Variants in INTS4 observed in about 807,000 individuals in gnomAD.
The protein encoded by INTS4 is MSTP093.
In INTS4, 70 loss-of-function variants were observed where a neutral mutation model predicts 119.5. The ratio of observed to expected loss-of-function variants is 0.59; its 90% CI spans 0.48 to 0.71. INTS4 has a LOEUF of 0.71. Among genes scored for constraint, INTS4 ranks in the 30% least tolerant of loss-of-function variants. The pLI, the probability that INTS4 is intolerant of heterozygous loss-of-function variation, is 0.00. For synonymous variants in INTS4, 316 were observed against 419.6 expected (o/e 0.75, Z 3.02); for missense variants, 867 against 1,173.2 (o/e 0.74, Z 3.81).
chr11:77,876,040 C>A (rs1951584801), downstream of INTS4, among the ~76,000 whole-genome samples: 1 of 152,048 alleles, frequency 6.6e-6, no homozygotes, highest in South Asian at 2.1e-4. Context: ...GTGGTCAGAT[C>A]AGCTCATCAC....
intron 4 of INTS4, among the ~76,000 whole-genome samples, chr11:77,968,530 T>C (rs1855586577): frequency 6.6e-6 from 1 of 151,980 alleles, no homozygotes; most frequent in Admixed American, 6.6e-5. Context: ...GGGTATAGAG[T>C]TTCACTTCTG....
chr11:77,884,257 A>G (rs576350207), intron 21 of INTS4, among the ~76,000 whole-genome samples: 2 of 152,306 alleles, frequency 1.3e-5, no homozygotes, highest in Admixed American at 1.3e-4. Flanking sequence ...AGGCACCTTC[A>G]CCAGAAGAGC....
chr11:77,922,332 G>A, intron 13 of INTS4, 24 bp downstream of exon 13: 1 of 1,515,778 alleles, frequency 6.6e-7, no homozygotes, highest in Non-Finnish European at 8.8e-7. Flanking sequence ...ACACATCAGG[G>A]CCCATCCTAA....
intron 4 of INTS4, among the ~76,000 whole-genome samples, chr11:77,973,967 C>T (rs1332675162): frequency 6.6e-6 from 1 of 152,110 alleles, no homozygotes; most frequent in African/African-American, 2.4e-5. Context: ...GTGTTCTCTC[C>T]TGTTCTATTT....
At chr11:77,949,264 C>T (rs1037759866) in intron 8 of INTS4, among the ~76,000 whole-genome samples, 4 of 152,016 alleles carry the variant, frequency 2.6e-5, no homozygotes, top group Non-Finnish European at 4.4e-5. Flanking sequence ...ACCATAAAAA[C>T]CCTAGAAGAA....
intron 12 of INTS4, among the ~76,000 whole-genome samples, chr11:77,923,674 C>A (rs1953421871): frequency 1.3e-5 from 2 of 151,714 alleles, no homozygotes; most frequent in Non-Finnish European, 2.9e-5. Flanking sequence ...AGTAAGAACT[C>A]AATGTTAGCT....
intron 15 of INTS4, among the ~76,000 whole-genome samples, chr11:77,908,962 A>G (rs1278519226): frequency 6.6e-6 from 1 of 152,246 alleles, no homozygotes; most frequent in African/African-American, 2.4e-5. Flanking sequence ...GCCCAATTCC[A>G]AGTAGTATCT....
At chr11:77,962,948 G>A (rs867365685) in intron 4 of INTS4, among the ~76,000 whole-genome samples, 1 of 152,060 alleles carries the variant, frequency 6.6e-6, no homozygotes, top group Non-Finnish European at 1.5e-5. Context: ...CCAGGAAGCG[G>A]AGGTTTCAGT....
chr11:77,950,309 T>C (rs1334186812), intron 8 of INTS4, among the ~76,000 whole-genome samples: 1 of 151,952 alleles, frequency 6.6e-6, no homozygotes, highest in Non-Finnish European at 1.5e-5. Flanking sequence ...GGCACATGTA[T>C]ACCTATGTCA....
At chr11:77,932,463 G>A (rs1953675057) in intron 10 of INTS4, among the ~76,000 whole-genome samples, 1 of 152,202 alleles carries the variant, frequency 6.6e-6, no homozygotes, top group Non-Finnish European at 1.5e-5. Context: ...AACAACAGAT[G>A]CTGGAGAAGA....
intron 20 of INTS4, 96 bp downstream of exon 20, chr11:77,891,585 T>C: frequency 6.4e-7 from 1 of 1,569,684 alleles, no homozygotes; most frequent in East Asian, 2.3e-5. Context: ...AGGAACAGCC[T>C]AGCCCAGCTG....
chr11:77,968,364 CATT>C (rs973940638), intron 4 of INTS4, among the ~76,000 whole-genome samples: 1 of 152,128 alleles, frequency 6.6e-6, no homozygotes, highest in Admixed American at 6.5e-5. Flanking sequence ...ACTTTGAGGA[CATT>C]ATGCTAAGAA....
Position 77,878,808 on chromosome 11 carries a change from G to T in INTS4, c.*141C>A. The T allele has an allele frequency of 1.3e-6, 1 of 754,782 alleles. No individual in the cohort carries two copies. The highest frequency in any genetic ancestry group is 2.4e-6 in the Non-Finnish European group (1 of 417,434). 46.8% of individuals were successfully genotyped at this position (754,782 alleles called of 1,614,324 possible). On this transcript the variant is annotated 3_prime_UTR_variant, in exon 23 of 23. Transcript: ENST00000534064. ...TTTTAATGAAGAAACAATTTATCCT[G>T]TGTTTGATACCAGATGAGACTGTAA... is the stretch of plus-strand genomic sequence containing the variant.
chr11:77,908,159 G>A (rs1162466968), intron 15 of INTS4, among the ~76,000 whole-genome samples: 1 of 152,108 alleles, frequency 6.6e-6, no homozygotes, highest in South Asian at 2.1e-4. Flanking sequence ...GACTATTATA[G>A]TAAAAACTCA....
rs1442182401 is a variant in INTS4 at position 77,981,449 on chromosome 11, T to C, written c.364+10A>G. On this transcript the variant is annotated intron_variant, in intron 3 of 22. Transcript: ENST00000534064. ...TGCTCTGACTATAGAGCTTTTAAAT[T>C]GCAACTTACTTTCATTCTGCAGGAT... 8 of 1,373,948 alleles carry C rather than the reference T, an allele frequency of 5.8e-6. No individual in the cohort carries two copies. The highest frequency in any genetic ancestry group is 1.8e-4 in the Middle Eastern group (1 of 5,490). The allele number at this position is 1,373,948 out of a possible 1,614,324, so 85.1% of individuals were successfully genotyped here. A position where few individuals can be genotyped will look rare whatever the true frequency, so the allele number is the denominator to read the frequency against.
intron 4 of INTS4, among the ~76,000 whole-genome samples, chr11:77,969,929 T>C (rs917185387): frequency 6.6e-6 from 1 of 152,250 alleles, no homozygotes; most frequent in Non-Finnish European, 1.5e-5. Flanking sequence ...CTTTCGTGTC[T>C]GGCTTCTTTC....
chr11:77,947,544 T>C (rs1387340843), intron 8 of INTS4, among the ~76,000 whole-genome samples: 1 of 152,070 alleles, frequency 6.6e-6, no homozygotes, highest in African/African-American at 2.4e-5. Context: ...ATAATCACTA[T>C]CATAAAAACA....
At position 77,981,546 on chromosome 11, in the gene INTS4, C is replaced by A; in HGVS notation, c.277G>T (p.Ala93Ser). 6.3e-7 allele frequency: 1 copy of A among 1,585,330 alleles called. No individual in the cohort carries two copies. The highest frequency in any genetic ancestry group is 1.2e-5 in the South Asian group (1 of 85,864). ...TTTGATAATAAACCCAACAATGATG[C>A]AATTTTCAGTCTCACAGATGGATCA... ...ENDPSVRLKI[A>S]SLLGLLSKTA... Residue 93 changes from alanine (A) to serine (S), a missense_variant, in exon 3 of 23, where the codon GCA becomes TCA. Ala to Ser is a moderately conservative substitution (Grantham distance 99, BLOSUM62 1). Transcript: ENST00000534064.
chr11:77,988,337 G>A (rs1298038317), intron 2 of INTS4, among the ~76,000 whole-genome samples: 1 of 152,194 alleles, frequency 6.6e-6, no homozygotes, highest in Non-Finnish European at 1.5e-5. Context: ...TGAGTAAAAT[G>A]TATCACAAAA....
Sources: gnomAD v4.1 joint callset for allele counts (sites outside exome capture counted in the v4.1 genomes callset) on GRCh38, gnomAD v4.1.1 for gene constraint, MANE v1.5 for transcripts, NCBI Gene and HGNC (gene_info 2026-07-23, HGNC 2026-07-21) for gene names.